CRISP2: variants seen among roughly 807,000 people sequenced by gnomAD.
CRISP2 encodes the protein cysteine rich secretory protein 2.
Under a neutral mutation model 31.7 loss-of-function variants are expected in CRISP2, and 29 were observed. The ratio of observed to expected loss-of-function variants is 0.92; its 90% CI spans 0.68 to 1.25. CRISP2 has a LOEUF of 1.25. Among genes scored for constraint, CRISP2 ranks in the 50% most tolerant of loss-of-function variants. The pLI is 0.00. For synonymous variants in CRISP2, 111 were observed against 101.4 expected (o/e 1.09, Z -0.57); for missense variants, 318 against 286.5 (o/e 1.11, Z -0.79).
downstream of CRISP2, among the ~76,000 whole-genome samples, chr6:49,691,681 G>C (rs1764062462): frequency 6.6e-6 from 1 of 151,850 alleles, no homozygotes; most frequent in African/African-American, 2.4e-5. Flanking sequence ...TTTCTCCCAT[G>C]TAATTTTCTG....
At chr6:49,710,970 A>G (rs1767907511) in intron 3 of CRISP2, among the ~76,000 whole-genome samples, 1 of 152,218 alleles carries the variant, frequency 6.6e-6, no homozygotes, top group East Asian at 1.9e-4. Context: ...CTCTACTAAA[A>G]ACAAACAAAC....
intron 2 of CRISP2, among the ~76,000 whole-genome samples, chr6:49,712,142 T>C (rs1768123931): frequency 6.6e-6 from 1 of 152,206 alleles, no homozygotes; most frequent in Non-Finnish European, 1.5e-5. Flanking sequence ...TCTGGCTGAC[T>C]TTAGGAAAAT....
chr6:49,700,701 T>C lies in CRISP2; in HGVS notation c.150A>G (p.Ala50=). ...GCATGTTACTGGCAGGTGGAGAGAC[T>C]GCTTTCCTTAGTTCATTGTGTTTAT... The part of the protein sequence containing the change: ...IVNKHNELRK[A]VSPPASNMLK... The change falls in exon 5 of 10, where the codon GCA becomes GCG. Residue 50 remains alanine, a synonymous_variant. Transcript: ENST00000339139. 1 of 1,612,234 alleles carries C rather than the reference T, an allele frequency of 6.2e-7. No individual in the cohort carries two copies. Among genetic ancestry groups the C allele is most frequent in the African/African-American group, 1.3e-5 (1 of 74,960 alleles).
downstream of CRISP2, among the ~76,000 whole-genome samples, chr6:49,690,455 A>C (rs1764015324): frequency 6.6e-6 from 1 of 152,076 alleles, no homozygotes; most frequent in African/African-American, 2.4e-5. Flanking sequence ...AAACAAAAGC[A>C]AGGAAGTATG....
chr6:49,705,322 C>T (rs897029778), intron 4 of CRISP2, among the ~76,000 whole-genome samples: 3 of 152,098 alleles, frequency 2.0e-5, no homozygotes, highest in Non-Finnish European at 4.4e-5. Flanking sequence ...CACTAAGCTC[C>T]TAGTCAGCCA....
chr6:49,712,352 T>G (rs1768176285), intron 2 of CRISP2, 149 bp downstream of exon 2: 1 of 152,222 alleles, frequency 6.6e-6, no homozygotes, highest in South Asian at 2.1e-4. Context: ...TCATCTTCAT[T>G]GAGTCAATGA....
chr6:49,692,916 A>T lies in CRISP2; in HGVS notation c.605-16T>A. 6.2e-7 allele frequency: 1 copy of T among 1,612,284 alleles called. No homozygotes were observed. The highest frequency in any genetic ancestry group is 8.5e-7 in the Non-Finnish European group (1 of 1,178,642). On this transcript the variant is annotated splice_polypyrimidine_tract_variant and intron_variant, in intron 9 of 9. Coordinates refer to ENST00000339139, the MANE Select transcript of CRISP2 (RefSeq NM_003296.4). ...CAACTATTGGCTGTAACAAAAACAG[A>T]TTAGTTAACTCATTATCGTTTTCCT...
rs762350786 is a variant in CRISP2, at chr6:49,697,936, G to A, written c.439C>T (p.Gln147Ter). ...YTQLVWYSTY[Q>*]VGCGIAYCPN... is the part of the protein sequence containing the mutation. The stretch of plus-strand genomic sequence containing the variant: ...CAGTAGGCAATTCCACAGCCTACCT[G>A]GTAAGTCGAGTACCAAACAAGCTGC... The change falls in exon 8 of 10, where the codon CAG (glutamine) becomes TAG (stop). Residue 147 changes from glutamine (Q) to a stop codon, truncating the protein, a stop_gained. Coordinates refer to ENST00000339139, the MANE Select transcript of CRISP2 (RefSeq NM_003296.4). LOFTEE classifies it high-confidence loss of function. 2.5e-6 allele frequency: 4 copies of A among 1,605,514 alleles called. No homozygotes were observed. The highest frequency in any genetic ancestry group is 1.7e-6 in the Non-Finnish European group (2 of 1,176,328).
In CRISP2 at chr6:49,710,027, T is replaced by C. The variant is rs539993870; in HGVS notation, c.-9-822A>G. ...ACACTCACCTTTCTGTCATTAGTCATATAAATTGTTTAATTTGTAAATTAA... is the reference window on the plus strand; with the variant it reads ...ACACTCACCTTTCTGTCATTAGTCACATAAATTGTTTAATTTGTAAATTAA... On this transcript the variant is annotated intron_variant, in intron 3 of 9. Transcript: ENST00000339139. Among the ~76,000 whole-genome samples the C allele has an allele frequency of 3.9e-5, 6 of 152,348 alleles. No homozygotes were observed. The South Asian group carries it at 1.2e-3, about 32-fold the overall frequency.
At chr6:49,705,767 G>A (rs2127425727) in intron 4 of CRISP2, among the ~76,000 whole-genome samples, 1 of 152,228 alleles carries the variant, frequency 6.6e-6, no homozygotes, top group Non-Finnish European at 1.5e-5. Flanking sequence ...ATTCATTTCA[G>A]CCTTAAGTAA....
At chr6:49,681,677 A>C in the CRISP2 span, among the ~76,000 whole-genome samples, 1 of 152,188 alleles carries the variant, frequency 6.6e-6, no homozygotes, top group Non-Finnish European at 1.5e-5. Flanking sequence ...TGATGAAATC[A>C]CTTTAAATTG....
chr6:49,712,190 T>C (rs1440355865), intron 2 of CRISP2, among the ~76,000 whole-genome samples: 3 of 152,170 alleles, frequency 2.0e-5, no homozygotes, highest in Non-Finnish European at 2.9e-5. Context: ...CATCAGCTCA[T>C]TGAAAGCCAT....
At chr6:49,698,956 T>C (rs1409428667) in intron 6 of CRISP2, among the ~76,000 whole-genome samples, 1 of 152,120 alleles carries the variant, frequency 6.6e-6, no homozygotes, top group East Asian at 1.9e-4. Flanking sequence ...TTATAGGCTG[T>C]CTTTAAGAGT....
the CRISP2 span, among the ~76,000 whole-genome samples, chr6:49,678,280 A>G: frequency 6.6e-6 from 1 of 152,064 alleles, no homozygotes; most frequent in Non-Finnish European, 1.5e-5. Context: ...AGCTTATATA[A>G]ACTGATTGGG....
intron 4 of CRISP2, among the ~76,000 whole-genome samples, chr6:49,701,011 G>A (rs1012235998): frequency 3.3e-5 from 5 of 152,084 alleles, no homozygotes; most frequent in Non-Finnish European, 7.4e-5. Flanking sequence ...TAAAGTAGTA[G>A]ACTGAAACAT....
intron 8 of CRISP2, among the ~76,000 whole-genome samples, chr6:49,696,594 AAAAAAAAG>A (rs1764802963): frequency 6.6e-6 from 1 of 151,554 alleles, no homozygotes; most frequent in South Asian, 2.1e-4. Context: ...AAGTAAAAAA[AAAAAAAAG>A]AAAAAAAGAT....
At chr6:49,704,388 A>G (rs540487962) in intron 4 of CRISP2, among the ~76,000 whole-genome samples, 2 of 152,162 alleles carry the variant, frequency 1.3e-5, no homozygotes, top group Non-Finnish European at 2.9e-5. Flanking sequence ...CAATCCATTT[A>G]TGGTGAGCTA....
chr6:49,707,503 A>G (rs903563181), intron 4 of CRISP2, among the ~76,000 whole-genome samples: 3 of 152,188 alleles, frequency 2.0e-5, no homozygotes, highest in African/African-American at 7.2e-5. Flanking sequence ...AATTTTATAA[A>G]TGAAGACCAG....
In CRISP2 at chr6:49,713,506, T is replaced by C. The variant is rs1768404518; in HGVS notation, c.-182A>G. ...CCTGGCTCCAGAGCACAGACCTTCC[T>C]GCAGTTGGGCCGGCGCGTTGCGGCG... On this transcript the variant is annotated 5_prime_UTR_variant, in exon 1 of 10. Coordinates refer to ENST00000339139, the MANE Select transcript of CRISP2 (RefSeq NM_003296.4). 1 of 152,238 alleles carries C rather than the reference T, an allele frequency of 6.6e-6. No homozygotes were observed. The highest frequency in any genetic ancestry group is 6.5e-5 in the Admixed American group (1 of 15,276). 9.4% of individuals were successfully genotyped at this position (152,238 alleles called of 1,614,324 possible).
Sources: allele counts gnomAD v4.1 joint callset (sites outside exome capture counted in the v4.1 genomes callset), GRCh38; gene constraint gnomAD v4.1.1; transcripts MANE v1.5; gene names NCBI Gene and HGNC (gene_info 2026-07-23, HGNC 2026-07-21).